The following UVRAG variants were observed in gnomAD, a reference collection of about 807,000 sequenced individuals.
UVRAG encodes UV radiation resistance associated, also known as UV radiation resistance-associated gene protein.
Under a neutral mutation model 78.0 loss-of-function variants are expected in UVRAG, and 19 were observed. The ratio of observed to expected loss-of-function variants is 0.24; its 90% CI spans 0.17 to 0.36. UVRAG has a LOEUF of 0.36. Among genes scored for constraint, UVRAG ranks in the 10% least tolerant of loss-of-function variants. The pLI is 1.00. For missense variants in UVRAG, 740 were observed against 853.8 expected (o/e 0.87, Z 1.66); for synonymous variants, 323 against 324.6 (o/e 1.00, Z 0.05).
intron 12 of UVRAG, among the ~76,000 whole-genome samples, chr11:76,031,655 T>C (rs1387839962): frequency 1.3e-5 from 2 of 152,196 alleles, no homozygotes; most frequent in Non-Finnish European, 2.9e-5. Flanking sequence ...CAACCTGAAC[T>C]TACTGCTTTT....
In UVRAG at chr11:75,967,387, C is replaced by G. The variant is rs117451317; in HGVS notation, c.699+5838C>G. Among the ~76,000 whole-genome samples the G allele has an allele frequency of 4.3e-3, 660 of 152,274 alleles. 3 individuals carry two copies. The highest frequency in any genetic ancestry group is 4.7e-3 in the Non-Finnish European group (320 of 68,018). On this transcript the variant is annotated intron_variant, in intron 7 of 14. Coordinates refer to ENST00000356136, the MANE Select transcript of UVRAG (RefSeq NM_003369.4). ...TTTTCTGCGGAAATCTTTTCCTTTT[C>G]TTAGTGGTTGACTAGGTGTAGGTCC...
At chr11:76,117,144 TAG>T (rs1401750001) in intron 14 of UVRAG, among the ~76,000 whole-genome samples, 1 of 152,214 alleles carries the variant, frequency 6.6e-6, no homozygotes, top group Non-Finnish European at 1.5e-5. Flanking sequence ...ATAGGTGCTT[TAG>T]AGAGATGAGA....
chr11:76,112,048 G>A (rs968635195), intron 13 of UVRAG, among the ~76,000 whole-genome samples: 1 of 151,888 alleles, frequency 6.6e-6, no homozygotes, highest in Non-Finnish European at 1.5e-5. Flanking sequence ...GGCAATAAGA[G>A]TATTCATATT....
intron 6 of UVRAG, among the ~76,000 whole-genome samples, chr11:75,928,559 G>T (rs1948161630): frequency 6.6e-6 from 1 of 151,716 alleles, no homozygotes; most frequent in Non-Finnish European, 1.5e-5. Flanking sequence ...GAGCCTAGGG[G>T]TTTGAGACCA....
intron 7 of UVRAG, among the ~76,000 whole-genome samples, chr11:75,965,422 C>G (rs1001055006): frequency 6.6e-6 from 1 of 152,202 alleles, no homozygotes; most frequent in Non-Finnish European, 1.5e-5. Flanking sequence ...CACCATTCTC[C>G]TGCCTCAGCC....
At chr11:75,989,657 G>A (rs904837479) in intron 8 of UVRAG, among the ~76,000 whole-genome samples, 1 of 152,134 alleles carries the variant, frequency 6.6e-6, no homozygotes, top group African/African-American at 2.4e-5. Flanking sequence ...CCTTGGTTTA[G>A]TTCTTTTGGT....
intron 14 of UVRAG, among the ~76,000 whole-genome samples, chr11:76,134,795 C>T (rs1046654488): frequency 3.9e-5 from 6 of 152,200 alleles, no homozygotes; most frequent in Non-Finnish European, 7.3e-5. Flanking sequence ...TTATTACTTA[C>T]TGTAGTCGAT....
intron 8 of UVRAG, among the ~76,000 whole-genome samples, chr11:75,988,785 GT>G (rs138279668): frequency 0.029 from 4,390 of 152,206 alleles, 71 homozygotes; most frequent in Middle Eastern, 0.068. Flanking sequence ...GTTTCTCATT[GT>G]TTTAATTTGT....
intron 14 of UVRAG, among the ~76,000 whole-genome samples, chr11:76,135,258 C>T (rs1952580065): frequency 6.6e-6 from 1 of 152,198 alleles, no homozygotes; most frequent in South Asian, 2.1e-4. Context: ...AGAGTAGAAT[C>T]CAGGTCTTTG....
At chr11:75,936,421 T>TTTATTAGTGTGACACA (rs1398041401) in intron 6 of UVRAG, among the ~76,000 whole-genome samples, 2 of 152,236 alleles carry the variant, frequency 1.3e-5, no homozygotes, top group African/African-American at 4.8e-5. Flanking sequence ...TTCTCCTACA[T>TTTATTAGTGTGACACA]TTATTAGTGT....
intron 12 of UVRAG, among the ~76,000 whole-genome samples, chr11:76,061,098 G>A (rs1951080081): frequency 2.0e-5 from 3 of 152,208 alleles, no homozygotes; most frequent in Admixed American, 6.5e-5. Flanking sequence ...TCGGCACTCT[G>A]TATCTAGCTC....
intron 11 of UVRAG, among the ~76,000 whole-genome samples, chr11:76,013,446 C>G (rs1056583487): frequency 1.3e-5 from 2 of 152,142 alleles, no homozygotes; most frequent in African/African-American, 4.8e-5. Context: ...TTCTCACTAA[C>G]AAAACTATTG....
chr11:76,101,759 T>C (rs986628477), intron 13 of UVRAG, among the ~76,000 whole-genome samples: 1 of 152,150 alleles, frequency 6.6e-6, no homozygotes, highest in African/African-American at 2.4e-5. Context: ...TTTTTATGTA[T>C]GGCATAAGGA....
chr11:76,041,480 G>A (rs917567409), intron 12 of UVRAG, among the ~76,000 whole-genome samples: 3 of 152,234 alleles, frequency 2.0e-5, no homozygotes, highest in African/African-American at 4.8e-5. Flanking sequence ...CAGCAGCTGG[G>A]AAGAAGAGCT....
chr11:76,050,255 A>G (rs973382804), intron 12 of UVRAG, among the ~76,000 whole-genome samples: 1 of 152,250 alleles, frequency 6.6e-6, no homozygotes, highest in Non-Finnish European at 1.5e-5. Flanking sequence ...TTGTCTAGGT[A>G]TATTAAAACC....
intron 2 of UVRAG, among the ~76,000 whole-genome samples, chr11:75,859,566 G>A (rs116516559): frequency 2.0e-4 from 30 of 151,786 alleles, no homozygotes; most frequent in African/African-American, 6.0e-4. Context: ...TTTCAGCCTC[G>A]TAACAACCCT....
chr11:76,036,948 A>G lies in UVRAG; in HGVS notation c.1226+19968A>G, dbSNP rs1773853416. Among the ~76,000 whole-genome samples, 6 of 152,328 alleles carry G rather than the reference A, an allele frequency of 3.9e-5. No homozygotes were observed. In the South Asian group the frequency reaches 1.0e-3, roughly 26 times the overall value. The stretch of plus-strand genomic sequence containing the variant: ...AGAGTATAGTAGCATAGATATCTTG[A>G]CCAACACTGAAACTGCTTGAGAAAA... On this transcript the variant is annotated intron_variant, in intron 12 of 14. Transcript: ENST00000356136.
intron 1 of UVRAG, among the ~76,000 whole-genome samples, chr11:75,844,659 G>A (rs1231706565): frequency 6.7e-6 from 1 of 149,926 alleles, no homozygotes; most frequent in Non-Finnish European, 1.5e-5. Flanking sequence ...TACTAAAGCA[G>A]ATGTTTCTCT....
At chr11:75,977,701 T>A (rs1303975394) in intron 7 of UVRAG, among the ~76,000 whole-genome samples, 1 of 152,136 alleles carries the variant, frequency 6.6e-6, no homozygotes, top group African/African-American at 2.4e-5. Flanking sequence ...AACCCCTGCT[T>A]TTTTGTGTTT....
Sources: allele counts gnomAD v4.1 joint callset (sites outside exome capture counted in the v4.1 genomes callset), GRCh38; gene constraint gnomAD v4.1.1; transcripts MANE v1.5; gene names NCBI Gene and HGNC (gene_info 2026-07-23, HGNC 2026-07-21).